The following CSMD1 variants were observed in gnomAD, a reference collection of about 807,000 sequenced individuals.
CSMD1 encodes the protein CUB and sushi domain-containing protein 1.
Under a neutral mutation model 417.5 loss-of-function variants are expected in CSMD1, and 213 were observed. The observed-to-expected ratio is 0.51, with a 90% confidence interval of 0.46 to 0.57. CSMD1 has a LOEUF of 0.57. Ranked by LOEUF, CSMD1 falls within the 20% of genes least tolerant of loss-of-function variation. CSMD1 has a pLI of 0.00. For missense variants in CSMD1, 6,923 were observed against 4,529.7 expected, an observed-to-expected ratio of 1.53 and a Z score of -15.17; for synonymous variants, 2,862 against 1,736.8, an observed-to-expected ratio of 1.65 and a Z score of -16.11.
chr8:4,041,822 A>G (rs546714879), intron 3 of CSMD1, among the ~76,000 whole-genome samples: 2 of 152,288 alleles, frequency 1.3e-5, no homozygotes, highest in East Asian at 3.9e-4. Context: ...CAAAAAAACA[A>G]AACAAACCCA....
chr8:4,669,188 C>G (rs1312961474), intron 1 of CSMD1, among the ~76,000 whole-genome samples: 1 of 152,162 alleles, frequency 6.6e-6, no homozygotes, highest in African/African-American at 2.4e-5. Context: ...ACTTTGCCTT[C>G]TCTTGCTGTC....
chr8:3,483,320 G>C (rs187655418), intron 11 of CSMD1, among the ~76,000 whole-genome samples: 39 of 152,006 alleles, frequency 2.6e-4, no homozygotes, highest in African/African-American at 6.7e-4. Flanking sequence ...AGATTCATCA[G>C]CCATCACAAA....
intron 1 of CSMD1, among the ~76,000 whole-genome samples, chr8:4,937,203 G>A (rs772697503): frequency 2.7e-5 from 4 of 150,732 alleles, no homozygotes; most frequent in African/African-American, 7.3e-5. Context: ...ACAGAGCCAG[G>A]CCCTGTCTCA....
chr8:4,502,824 G>C (rs1344785233), intron 2 of CSMD1, among the ~76,000 whole-genome samples: 1 of 152,104 alleles, frequency 6.6e-6, no homozygotes, highest in Non-Finnish European at 1.5e-5. Context: ...CAGTGTGTAT[G>C]ACGGTGTGCT....
intron 12 of CSMD1, among the ~76,000 whole-genome samples, chr8:3,412,164 A>T (rs1481492658): frequency 7.8e-6 from 1 of 127,816 alleles, no homozygotes; most frequent in Non-Finnish European, 1.8e-5. Flanking sequence ...ACGTATATAT[A>T]CATATATACA....
intron 7 of CSMD1, among the ~76,000 whole-genome samples, chr8:3,675,224 T>C (rs1235557852): frequency 6.6e-6 from 1 of 152,148 alleles, no homozygotes; most frequent in Non-Finnish European, 1.5e-5. Context: ...CTGTTCTCCT[T>C]GCAGCACCTG....
chr8:3,597,445 C>T (rs1471014968), intron 8 of CSMD1, among the ~76,000 whole-genome samples: 1 of 128,250 alleles, frequency 7.8e-6, no homozygotes, highest in Non-Finnish European at 1.6e-5. Flanking sequence ...AGCCCCAAGA[C>T]CTAGAGAAGT....
At chr8:2,987,068 A>G (rs1347285025) in intron 54 of CSMD1, among the ~76,000 whole-genome samples, 4 of 152,126 alleles carry the variant, frequency 2.6e-5, no homozygotes, top group Admixed American at 2.6e-4. Context: ...AGTTACAACT[A>G]ATTCTTAATG....
At chr8:4,660,676 G>A (rs922939344) in intron 1 of CSMD1, among the ~76,000 whole-genome samples, 1 of 113,806 alleles carries the variant, frequency 8.8e-6, no homozygotes, top group Non-Finnish European at 1.8e-5. Flanking sequence ...CCTGTAAAGG[G>A]AATGAAAAGA....
chr8:4,745,376 A>C (rs986412584), intron 1 of CSMD1, among the ~76,000 whole-genome samples: 1 of 152,192 alleles, frequency 6.6e-6, no homozygotes, highest in Admixed American at 6.5e-5. Context: ...TAGTAACAGC[A>C]CCTAAGCTTT....
At chr8:3,151,611 G>C in intron 39 of CSMD1, 98 bp from the exon 40 acceptor site, 1 of 725,474 alleles carries the variant, frequency 1.4e-6, no homozygotes, top group Non-Finnish European at 2.4e-6. Context: ...GAAAGAGCAA[G>C]TCTTCGGAGT....
At chr8:3,232,036 G>T (rs1220863563) in intron 26 of CSMD1, among the ~76,000 whole-genome samples, 1 of 152,116 alleles carries the variant, frequency 6.6e-6, no homozygotes, top group Non-Finnish European at 1.5e-5. Context: ...AACACAATGA[G>T]AACAATGAAA....
At chr8:3,790,441 A>T (rs774351918) in intron 5 of CSMD1, among the ~76,000 whole-genome samples, 7 of 152,164 alleles carry the variant, frequency 4.6e-5, no homozygotes, top group Non-Finnish European at 7.3e-5. Context: ...AATGATGGTG[A>T]TGATGACACG....
intron 10 of CSMD1, among the ~76,000 whole-genome samples, chr8:3,547,161 CA>C (rs1279346035): frequency 6.6e-6 from 1 of 152,132 alleles, no homozygotes; most frequent in African/African-American, 2.4e-5. Context: ...CTGGGCTTGG[CA>C]AAGATGAATA....
At chr8:3,693,838 G>C (rs571044549) in intron 7 of CSMD1, among the ~76,000 whole-genome samples, 11 of 151,446 alleles carry the variant, frequency 7.3e-5, no homozygotes, top group African/African-American at 2.4e-4. Flanking sequence ...TGTGTGTTGT[G>C]TGTGTTAGGG....
At chr8:4,322,561 T>A (rs903488507) in intron 3 of CSMD1, among the ~76,000 whole-genome samples, 2 of 152,124 alleles carry the variant, frequency 1.3e-5, no homozygotes, top group Non-Finnish European at 2.9e-5. Context: ...AGAGAGTAAG[T>A]AAGATTTTGA....
intron 2 of CSMD1, among the ~76,000 whole-genome samples, chr8:4,423,391 T>C (rs1797361326): frequency 6.6e-6 from 1 of 152,048 alleles, no homozygotes; most frequent in Non-Finnish European, 1.5e-5. Context: ...CATACAAAAA[T>C]CTATTGTAGT....
chr8:4,007,039 C>T (rs930074753), intron 4 of CSMD1, among the ~76,000 whole-genome samples: 3 of 151,828 alleles, frequency 2.0e-5, no homozygotes, highest in Non-Finnish European at 2.9e-5. Context: ...GGGGTTTCAC[C>T]GTGTTAGCCA....
At chr8:4,733,943 G>C (rs1056348959) in intron 1 of CSMD1, among the ~76,000 whole-genome samples, 2 of 152,178 alleles carry the variant, frequency 1.3e-5, no homozygotes, top group African/African-American at 2.4e-5. Flanking sequence ...TAATTAGCAA[G>C]AGGCTGTATG....
Sources: allele counts gnomAD v4.1 joint callset (sites outside exome capture counted in the v4.1 genomes callset), GRCh38; gene constraint gnomAD v4.1.1; transcripts MANE v1.5; gene names NCBI Gene and HGNC (gene_info 2026-07-23, HGNC 2026-07-21).